The following CCDC7 variants were observed in gnomAD, a reference collection of about 807,000 sequenced individuals.
CCDC7 encodes the protein coiled-coil domain containing 7, also known as coiled-coil domain-containing protein 7.
Under a neutral mutation model 196.9 loss-of-function variants are expected in CCDC7, and 183 were observed. The ratio of observed to expected loss-of-function variants is 0.93; its 90% CI spans 0.82 to 1.05. CCDC7 has a LOEUF of 1.05. Among genes scored for constraint, CCDC7 ranks in the 50% least tolerant of loss-of-function variants. The probability of loss-of-function intolerance (pLI) is 0.00; values close to 1 mark genes in which losing one functional copy is unlikely to be tolerated. For missense variants in CCDC7, 1,540 were observed against 1,482.2 expected, an observed-to-expected ratio of 1.04 and a Z score of -0.64; for synonymous variants, 525 against 484.6, an observed-to-expected ratio of 1.08 and a Z score of -1.10.
intron 5 of CCDC7, among the ~76,000 whole-genome samples, chr10:32,470,303 A>T (rs922002543): frequency 6.6e-6 from 1 of 152,158 alleles, no homozygotes; most frequent in African/African-American, 2.4e-5. Context: ...AATTTAGGGC[A>T]AGCAATTATT....
chr10:32,634,218 C>A (rs1375170926), intron 18 of CCDC7, 36 bp from the exon 20 acceptor site: 3 of 946,812 alleles, frequency 3.2e-6, no homozygotes, highest in South Asian at 1.1e-4. Context: ...AGAGCTCTTT[C>A]TCTATTTGGT....
In CCDC7 at chr10:32,845,227, T is replaced by C; in HGVS notation, c.3353-16T>C. ...TTACCTTTCAAAATATATTGATATC[T>C]GTTTTATTTATATAGAGACTGATAA... is the stretch of plus-strand genomic sequence containing the variant. On this transcript the variant is annotated splice_polypyrimidine_tract_variant and intron_variant, in intron 33 of 41. Coordinates refer to ENST00000639629, the Ensembl canonical transcript of CCDC7. 6.9e-7 allele frequency: 1 copy of C among 1,440,554 alleles called. No individual in the cohort carries two copies. Among genetic ancestry groups the C allele is most frequent in the South Asian group, 1.3e-5 (1 of 79,010 alleles). The allele number at this position is 1,440,554 out of a possible 1,614,324, so 89.2% of individuals were successfully genotyped here.
At chr10:32,667,772 C>T (rs201245473) in intron 21 of CCDC7, among the ~76,000 whole-genome samples, 4 of 152,108 alleles carry the variant, frequency 2.6e-5, no homozygotes, top group South Asian at 2.1e-4. Flanking sequence ...GTTACTGCAG[C>T]CTTGTAGTAT....
intron 18 of CCDC7, among the ~76,000 whole-genome samples, chr10:32,616,119 C>T (rs2062739599): frequency 6.6e-6 from 1 of 151,832 alleles, no homozygotes; most frequent in African/African-American, 2.4e-5. Flanking sequence ...TTCTTTTTTG[C>T]TTAAGATTGC....
At chr10:32,848,861 A>G in intron 39 of CCDC7, 143 bp downstream of exon 40, 1 of 698,570 alleles carries the variant, frequency 1.4e-6, no homozygotes, top group Non-Finnish European at 2.4e-6. Flanking sequence ...TAAAAATAAA[A>G]TGGTTTTAAT....
intron 16 of CCDC7, among the ~76,000 whole-genome samples, chr10:32,582,372 C>A (rs1367227664): frequency 6.6e-6 from 1 of 151,772 alleles, no homozygotes; most frequent in East Asian, 1.9e-4. Context: ...GCATCAAATT[C>A]TGTTGCATTT....
intron 16 of CCDC7, among the ~76,000 whole-genome samples, chr10:32,581,698 G>A (rs930880451): frequency 5.3e-5 from 8 of 152,092 alleles, no homozygotes; most frequent in African/African-American, 1.9e-4. Context: ...CAGTATATTA[G>A]CATTTAAGGC....
At chr10:32,565,393 A>AGC (rs1564670771) in intron 13 of CCDC7, among the ~76,000 whole-genome samples, 165 bp from the exon 15 acceptor site, 7 of 152,232 alleles carry the variant, frequency 4.6e-5, no homozygotes, top group African/African-American at 1.7e-4. Flanking sequence ...AGGAAGCTTT[A>AGC]GCTTCAGGTA....
At chr10:32,457,547 A>G (rs554550407) in intron 3 of CCDC7, among the ~76,000 whole-genome samples, 2 of 152,198 alleles carry the variant, frequency 1.3e-5, no homozygotes, top group Non-Finnish European at 2.9e-5. Flanking sequence ...ATATACACCC[A>G]GTAGTGGAAT....
At position 32,709,347 on chromosome 10, in the gene CCDC7, C is replaced by T. The variant is rs540401674; in HGVS notation, c.2459-2273C>T. 4.6e-5 allele frequency among the ~76,000 whole-genome samples: 7 copies of T among 151,116 alleles called. No individual in the cohort carries two copies. The South Asian group carries it at 1.5e-3, about 32-fold the overall frequency. The stretch of plus-strand genomic sequence containing the variant: ...GGGTGGGGGGAGGGGGGAGGGATAG[C>T]ATTAAGAGATATACCTAATGTAAAT... On this transcript the variant is annotated intron_variant, in intron 24 of 41. Transcript: ENST00000639629.
intron 21 of CCDC7, among the ~76,000 whole-genome samples, chr10:32,670,214 A>C (rs1326790732): frequency 1.3e-5 from 2 of 151,954 alleles, no homozygotes; most frequent in African/African-American, 4.8e-5. Flanking sequence ...ATATGTTTTA[A>C]TAGTCCTTGT....
intron 9 of CCDC7, among the ~76,000 whole-genome samples, chr10:32,515,087 A>G (rs1413456868): frequency 1.3e-5 from 2 of 152,068 alleles, no homozygotes; most frequent in East Asian, 3.9e-4. Flanking sequence ...TGGCCTCCCA[A>G]AGTTCTGTGA....
intron 5 of CCDC7, among the ~76,000 whole-genome samples, chr10:32,468,570 A>C (rs1311617474): frequency 6.6e-6 from 1 of 152,160 alleles, no homozygotes; most frequent in Non-Finnish European, 1.5e-5. Flanking sequence ...GGATGCCTTT[A>C]TTTCTTTCTC....
intron 18 of CCDC7, among the ~76,000 whole-genome samples, chr10:32,600,183 C>T (rs2060845291): frequency 6.6e-6 from 1 of 152,006 alleles, no homozygotes; most frequent in African/African-American, 2.4e-5. Flanking sequence ...TGATATTCTT[C>T]CAATCCATGA....
chr10:32,876,396 A>G (rs1565790250), downstream of CCDC7: 2 of 1,609,084 alleles, frequency 1.2e-6, no homozygotes, highest in South Asian at 1.1e-5. Context: ...ACTTTTGAGA[A>G]TGAAGGAAAT....
At chr10:32,695,023 A>C in intron 24 of CCDC7, 31 bp downstream of exon 25, 1 of 1,212,222 alleles carries the variant, frequency 8.2e-7, no homozygotes, top group Non-Finnish European at 1.1e-6. Flanking sequence ...TAACTTAAAA[A>C]TTTTAAAGTT....
At chr10:32,565,421 TGA>T in intron 13 of CCDC7, 135 bp from the exon 15 acceptor site, 2 of 771,280 alleles carry the variant, frequency 2.6e-6, no homozygotes, top group Non-Finnish European at 3.9e-6. Context: ...CCATTACACT[TGA>T]GAGATGTGCA....
At chr10:32,471,027 G>GT in intron 5 of CCDC7, 37 bp from the exon 7 acceptor site, 1 of 1,511,632 alleles carries the variant, frequency 6.6e-7, no homozygotes, top group Non-Finnish European at 8.8e-7. Flanking sequence ...AACAAAATGG[G>GT]TATTTACTAA....
chr10:32,467,747 G>T (rs182340032), intron 5 of CCDC7, among the ~76,000 whole-genome samples: 1 of 152,146 alleles, frequency 6.6e-6, no homozygotes. Context: ...TATTCATCTT[G>T]AGTTAATTTT....
Sources: gnomAD v4.1 joint callset for allele counts (sites outside exome capture counted in the v4.1 genomes callset) on GRCh38, gnomAD v4.1.1 for gene constraint, MANE v1.5 for transcripts, NCBI Gene and HGNC (gene_info 2026-07-23, HGNC 2026-07-21) for gene names.